The following PLXDC2 variants were observed in gnomAD, a reference collection of about 807,000 sequenced individuals.
The protein encoded by PLXDC2 is plexin domain-containing protein 2.
Under a neutral mutation model 68.9 loss-of-function variants are expected in PLXDC2, and 40 were observed. The ratio of observed to expected loss-of-function variants is 0.58; its 90% CI spans 0.45 to 0.76. PLXDC2 has a LOEUF of 0.76. Among genes scored for constraint, PLXDC2 ranks in the 30% least tolerant of loss-of-function variants. The pLI is 0.00. For missense variants in PLXDC2, 644 were observed against 661.9 expected (o/e 0.97, Z 0.30); for synonymous variants, 243 against 234.2 (o/e 1.04, Z -0.34).
intron 2 of PLXDC2, among the ~76,000 whole-genome samples, chr10:20,029,136 T>C (rs1480701402): frequency 6.6e-6 from 1 of 152,188 alleles, no homozygotes; most frequent in Non-Finnish European, 1.5e-5. Context: ...CTCTTACTTC[T>C]ATGAACCTTA....
chr10:19,888,130 T>C (rs985227999), intron 1 of PLXDC2, among the ~76,000 whole-genome samples: 1 of 152,240 alleles, frequency 6.6e-6, no homozygotes, highest in Admixed American at 6.5e-5. Context: ...TGAAGAGCTT[T>C]CCTTTCCTAC....
intron 4 of PLXDC2, among the ~76,000 whole-genome samples, chr10:20,119,201 T>A (rs1315867022): frequency 6.6e-6 from 1 of 152,146 alleles, no homozygotes; most frequent in Non-Finnish European, 1.5e-5. Context: ...GAAGTAGTAA[T>A]TTTCATGCGT....
chr10:20,041,409 C>T (rs940856372), intron 2 of PLXDC2, among the ~76,000 whole-genome samples: 2 of 151,962 alleles, frequency 1.3e-5, no homozygotes, highest in African/African-American at 2.4e-5. Context: ...AATTTTTTTC[C>T]TCCATATAGA....
intron 1 of PLXDC2, among the ~76,000 whole-genome samples, chr10:19,818,269 T>A (rs902564536): frequency 6.4e-5 from 9 of 141,160 alleles, no homozygotes; most frequent in African/African-American, 1.8e-4. Flanking sequence ...TGTGTGTGTG[T>A]GTGTAATTTA....
rs1203300762 is a variant in PLXDC2 at position 20,224,116 on chromosome 10, G to A, written c.1312+5014G>A. Among the ~76,000 whole-genome samples the A allele has an allele frequency of 3.3e-5, 5 of 151,878 alleles. No individual in the cohort carries two copies. In the East Asian group the frequency reaches 9.7e-4, roughly 30 times the overall value. On this transcript the variant is annotated intron_variant, in intron 12 of 13. Coordinates refer to ENST00000377252, the MANE Select transcript of PLXDC2 (RefSeq NM_032812.9). ...AGCCTCCCAAGTAGCTGGGATTACAGGCACATGCCACCATGCCCGGCTAAT... is the reference window on the plus strand; with the variant it reads ...AGCCTCCCAAGTAGCTGGGATTACAAGCACATGCCACCATGCCCGGCTAAT...
In PLXDC2 at chr10:20,284,424, TG is replaced by T. The variant is rs1836124784; in HGVS notation, c.*4606del. 1.3e-5 allele frequency: 2 copies of T among 150,222 alleles called. No homozygotes were observed. The highest frequency in any genetic ancestry group is 3.0e-5 in the Non-Finnish European group (2 of 67,624). The allele number at this position is 150,222 out of a possible 1,614,324, so 9.3% of individuals were successfully genotyped here. On this transcript the variant is annotated 3_prime_UTR_variant, in exon 14 of 14. Transcript: ENST00000377252. The stretch of plus-strand genomic sequence containing the variant: ...TAGCAATTATGTGTGTGTGTGTGTG[TG>T]TGTGTGTGTGTGTGTTAGCCAAGTG...
chr10:20,082,232 A>T (rs879940484), intron 4 of PLXDC2, among the ~76,000 whole-genome samples: 1 of 151,822 alleles, frequency 6.6e-6, no homozygotes, highest in Non-Finnish European at 1.5e-5. Flanking sequence ...TCAGCTAATT[A>T]TATATCAATA....
intron 10 of PLXDC2, 98 bp downstream of exon 10, chr10:20,211,827 CTT>C: frequency 8.8e-7 from 1 of 1,135,348 alleles, no homozygotes. Flanking sequence ...TGCCCTAAAA[CTT>C]AATGAAAGGA....
intron 1 of PLXDC2, among the ~76,000 whole-genome samples, chr10:19,830,316 C>T (rs575719234): frequency 7.9e-5 from 12 of 152,198 alleles, no homozygotes; most frequent in Non-Finnish European, 1.6e-4. Flanking sequence ...CTTGAGTTAA[C>T]TCTTTTCACA....
At chr10:19,987,673 T>C (rs145919093) in intron 1 of PLXDC2, among the ~76,000 whole-genome samples, 3,761 of 151,954 alleles carry the variant, frequency 0.025, 156 homozygotes, top group African/African-American at 0.085. Flanking sequence ...GCCATTCTCC[T>C]GCCTCAGCCT....
intron 1 of PLXDC2, among the ~76,000 whole-genome samples, chr10:19,924,114 A>C (rs1833502757): frequency 6.6e-6 from 1 of 152,170 alleles, no homozygotes; most frequent in South Asian, 2.1e-4. Flanking sequence ...CTCCCAAATA[A>C]AAAACTTTCT....
At position 19,816,665 on chromosome 10, in the gene PLXDC2, G is replaced by C. The variant is rs1411021111; in HGVS notation, c.-415G>C. On this transcript the variant is annotated 5_prime_UTR_variant, in exon 1 of 14. Transcript: ENST00000377252. The stretch of plus-strand genomic sequence containing the variant: ...CCCTAGTGGATCTGGGGCAGGCAGC[G>C]GCGCTGGCTGTGGAATTAGATCTGT... The C allele has an allele frequency of 4.6e-5, 11 of 240,342 alleles. No individual in the cohort carries two copies. The highest frequency in any genetic ancestry group is 9.0e-5 in the Non-Finnish European group (11 of 121,784). 14.9% of individuals were successfully genotyped at this position (240,342 alleles called of 1,614,324 possible). A position where few individuals can be genotyped will look rare whatever the true frequency, so the allele number is the denominator to read the frequency against.
intron 1 of PLXDC2, among the ~76,000 whole-genome samples, chr10:19,939,510 G>A (rs948240053): frequency 6.6e-6 from 1 of 152,180 alleles, no homozygotes; most frequent in Non-Finnish European, 1.5e-5. Context: ...CAAAAAAAAA[G>A]AGAACTGTAT....
intron 9 of PLXDC2, among the ~76,000 whole-genome samples, chr10:20,203,477 C>A (rs558002734): frequency 6.6e-5 from 10 of 151,526 alleles, no homozygotes; most frequent in African/African-American, 2.4e-4. Context: ...GCTAATTTTT[C>A]TTTTTCTTTT....
At chr10:20,229,358 G>A (rs1239031852) in intron 12 of PLXDC2, among the ~76,000 whole-genome samples, 1 of 151,956 alleles carries the variant, frequency 6.6e-6, no homozygotes, top group African/African-American at 2.4e-5. Context: ...TGGGAAGGAA[G>A]CCAACTGCTG....
At chr10:20,098,381 G>GTGTGTA (rs953255294) in intron 4 of PLXDC2, among the ~76,000 whole-genome samples, 5 of 151,542 alleles carry the variant, frequency 3.3e-5, no homozygotes, top group African/African-American at 1.2e-4. Context: ...GTGTGTGTGT[G>GTGTGTA]TGTATGTATG....
At chr10:20,186,152 A>T (rs1404548391) in intron 9 of PLXDC2, among the ~76,000 whole-genome samples, 4 of 152,010 alleles carry the variant, frequency 2.6e-5, no homozygotes, top group African/African-American at 7.2e-5. Flanking sequence ...TGCTAAAAAA[A>T]GTCCTTGCTG....
chr10:19,842,008 G>C (rs1836918986), intron 1 of PLXDC2, among the ~76,000 whole-genome samples: 1 of 152,130 alleles, frequency 6.6e-6, no homozygotes. Flanking sequence ...AGGCACAGTG[G>C]CCGGTGCCTA....
intron 12 of PLXDC2, among the ~76,000 whole-genome samples, chr10:20,225,665 T>G (rs1231505588): frequency 6.6e-6 from 1 of 152,206 alleles, no homozygotes; most frequent in Non-Finnish European, 1.5e-5. Context: ...AGAGCTGTGG[T>G]TCTTAACTTT....
Sources: gnomAD v4.1 joint callset for allele counts (sites outside exome capture counted in the v4.1 genomes callset) on GRCh38, gnomAD v4.1.1 for gene constraint, MANE v1.5 for transcripts, NCBI Gene and HGNC (gene_info 2026-07-23, HGNC 2026-07-21) for gene names.